Variants in ZNF217 observed in about 807,000 individuals in gnomAD.
ZNF217 encodes the protein zinc finger protein 217.
ZNF217 carries 12 observed loss-of-function variants against 73.3 expected under a neutral mutation model. The observed-to-expected ratio is 0.16, with a 90% CI of 0.10 to 0.27. The LOEUF (loss-of-function observed/expected upper bound fraction) is 0.27. ZNF217 is among the 10% of genes least tolerant of loss of function. The pLI is 1.00. For synonymous variants in ZNF217, 588 were observed against 516.4 expected, an observed-to-expected ratio of 1.14 and a Z score of -1.88; for missense variants, 1,195 against 1,327.8, an observed-to-expected ratio of 0.90 and a Z score of 1.55.
chr20:53,587,059 G>A (rs1988721875), intron 1 of ZNF217, among the ~76,000 whole-genome samples: 1 of 152,158 alleles, frequency 6.6e-6, no homozygotes, highest in South Asian at 2.1e-4. Flanking sequence ...TCAGGTAAAC[G>A]ACAGAACTTA....
chr20:53,591,860 A>G lies in ZNF217; in HGVS notation c.-343+1896T>C, dbSNP rs550426501. Among the ~76,000 whole-genome samples the G allele has an allele frequency of 7.2e-5, 11 of 152,344 alleles. No homozygotes were observed. The South Asian group carries it at 1.4e-3, about 20-fold the overall frequency. On this transcript the variant is annotated intron_variant, in intron 1 of 5. Coordinates refer to ENST00000371471, the MANE Select transcript of ZNF217 (RefSeq NM_006526.3). ...AACTTAGCATTTTAAGTCTTGTTTG[A>G]TATCAATCAAGAAAGAACATCCACT...
rs145428717 is a variant in ZNF217, at chr20:53,582,927, A to G, written c.-101T>C. 2.7e-3 allele frequency: 3,397 copies of G among 1,257,038 alleles called. 53 individuals carry two copies. In the African/African-American group the frequency reaches 0.039, roughly 14 times the overall value. 77.9% of individuals were successfully genotyped at this position (1,257,038 alleles called of 1,614,324 possible). ...AACAGCCCTGGGTTCCAAAAACCAG[A>G]GCAAATATTTATTATAAAAGTTCAA... On this transcript the variant is annotated 5_prime_UTR_variant, in exon 2 of 6. Coordinates refer to ENST00000371471, the MANE Select transcript of ZNF217 (RefSeq NM_006526.3). The surrounding 1 kb of genome is among the most constrained non-coding windows in gnomAD (Gnocchi z 4.8).
At chr20:53,595,950 C>G (rs1258537823), upstream of ZNF217, among the ~76,000 whole-genome samples, 1 of 152,114 alleles carries the variant, frequency 6.6e-6, no homozygotes, top group East Asian at 1.9e-4. Context: ...CTTTGAACTC[C>G]GAGACCTTGA....
intron 1 of ZNF217, among the ~76,000 whole-genome samples, chr20:53,589,907 C>A (rs6068591): frequency 1.5e-5 from 2 of 135,826 alleles, no homozygotes; most frequent in African/African-American, 5.4e-5. Context: ...CCCTCCCCCC[C>A]GCAGAATCTG....
upstream of ZNF217, among the ~76,000 whole-genome samples, chr20:53,595,911 T>C (rs1168034976): frequency 6.6e-6 from 1 of 152,212 alleles, no homozygotes; most frequent in Non-Finnish European, 1.5e-5. Context: ...GCCTGAAGTG[T>C]AACCTCATTC....
intron 1 of ZNF217, among the ~76,000 whole-genome samples, chr20:53,588,963 A>C (rs1406111997): frequency 2.0e-5 from 3 of 152,370 alleles, no homozygotes; most frequent in Admixed American, 1.3e-4. Flanking sequence ...AAAAGAAACA[A>C]AAACACTTCA....
At chr20:53,596,406 GAAATCGTTGCAA>G, upstream of ZNF217, among the ~76,000 whole-genome samples, 1 of 152,166 alleles carries the variant, frequency 6.6e-6, no homozygotes, top group Non-Finnish European at 1.5e-5. Flanking sequence ...ACGAAACTGG[GAAATCGTTGCAA>G]AATTCTGCCA....
intron 4 of ZNF217, among the ~76,000 whole-genome samples, chr20:53,573,312 G>A (rs771271828): frequency 1.3e-5 from 2 of 152,064 alleles, no homozygotes; most frequent in Non-Finnish European, 2.9e-5. Context: ...TAGCAGAGAC[G>A]AGGTTTCTCC....
At chr20:53,575,067 G>C (rs1160056867) in intron 4 of ZNF217, 3 of 152,254 alleles carry the variant, frequency 2.0e-5, no homozygotes, top group Non-Finnish European at 4.4e-5. Flanking sequence ...AATAAGGCTG[G>C]GTATGGTGGC....
At chr20:53,571,882 T>A in intron 4 of ZNF217, 29 bp from the exon 5 acceptor site, 1 of 1,580,228 alleles carries the variant, frequency 6.3e-7, no homozygotes, top group Non-Finnish European at 8.5e-7. Flanking sequence ...ATATTTAGAG[T>A]TAAGGTCAAA....
chr20:53,592,558 C>G (rs1376965967), intron 1 of ZNF217, among the ~76,000 whole-genome samples: 1 of 149,186 alleles, frequency 6.7e-6, no homozygotes, highest in Non-Finnish European at 1.5e-5. Flanking sequence ...TTCGGTGGCC[C>G]TACCCAGAAT....
At chr20:53,593,256 G>T (rs1306450933) in intron 1 of ZNF217, among the ~76,000 whole-genome samples, 1 of 152,088 alleles carries the variant, frequency 6.6e-6, no homozygotes, top group Non-Finnish European at 1.5e-5. Context: ...TGTTTACGGG[G>T]GGATGCCCGT....
intron 1 of ZNF217, among the ~76,000 whole-genome samples, chr20:53,589,133 G>A (rs911250599): frequency 6.6e-6 from 1 of 152,024 alleles, no homozygotes; most frequent in African/African-American, 2.4e-5. Context: ...GAAAATAATG[G>A]AACACCAATA....
chr20:53,582,572 T>G lies in ZNF217; in HGVS notation c.255A>C (p.Leu85Phe), dbSNP rs1283934305. ...THSEDLNKHV[L>F]MQHRPTLCEP... is the part of the protein sequence containing the mutation. ...CACAGAGGGTAGGCCGGTGTTGCAT[T>G]AAGACATGTTTATTAAGGTCTTCTG... Residue 85 changes from leucine to phenylalanine, a missense_variant, in exon 2 of 6, where the codon TTA becomes TTC. Leu to Phe is a conservative substitution (Grantham distance 22). Around this residue, in one of 9 missense-constraint regions of ZNF217, gnomAD observed 147 missense variants for 184.3 expected, o/e 0.80. Transcript: ENST00000371471. The surrounding 1 kb of genome is among the most constrained non-coding windows in gnomAD (Gnocchi z 4.8). The G allele has an allele frequency of 6.2e-7, 1 of 1,614,120 alleles. No individual in the cohort carries two copies. The highest frequency in any genetic ancestry group is 1.7e-5 in the Admixed American group (1 of 60,010).
intron 1 of ZNF217, among the ~76,000 whole-genome samples, chr20:53,592,918 C>A (rs2145986191): frequency 6.6e-6 from 1 of 151,794 alleles, no homozygotes; most frequent in Non-Finnish European, 1.5e-5. Flanking sequence ...CTTTAGAGTT[C>A]CCAGTTCTGC....
In ZNF217 at chr20:53,582,895, C is replaced by G. The variant is rs1350008142; in HGVS notation, c.-69G>C. On this transcript the variant is annotated 5_prime_UTR_variant, in exon 2 of 6. Coordinates refer to ENST00000371471, the MANE Select transcript of ZNF217 (RefSeq NM_006526.3). This position sits in a 1 kb window ranked among gnomAD's most constrained non-coding sequence, Gnocchi z 4.8. ...GGCCACTTGTAAGACTTGTCACTCACCCCTCTAACAGCCCTGGGTTCCAAA... is the reference window on the plus strand; with the variant it reads ...GGCCACTTGTAAGACTTGTCACTCAGCCCTCTAACAGCCCTGGGTTCCAAA... The G allele has an allele frequency of 5.4e-6, 8 of 1,491,738 alleles. No individual in the cohort carries two copies. The highest frequency in any genetic ancestry group is 2.2e-5 in the Admixed American group (1 of 45,744). 92.4% of individuals were successfully genotyped at this position (1,491,738 alleles called of 1,614,324 possible).
intron 1 of ZNF217, among the ~76,000 whole-genome samples, chr20:53,592,237 A>C (rs1043310504): frequency 1.1e-4 from 17 of 152,346 alleles, no homozygotes; most frequent in African/African-American, 2.4e-4. Context: ...GGACCACTGC[A>C]ACCGCCATTT....
rs755842838 is a variant in ZNF217, at chr20:53,576,988, G to A, written c.1776C>T (p.Leu592=). Residue 592 remains leucine, a synonymous_variant, in exon 4 of 6, where the codon CTC becomes CTT. Coordinates refer to ENST00000371471, the MANE Select transcript of ZNF217 (RefSeq NM_006526.3). ...CCTGAGTATCTTTGTGTGCTGGTGA[G>A]AGGACAGCGCTGCCCAGAACATTCT... ...VFQNVLGSAV[L]SPAHKDTQDF... 6.8e-6 allele frequency: 11 copies of A among 1,614,200 alleles called. No homozygotes were observed. The Admixed American group carries it at 1.0e-4, about 15-fold the overall frequency.
At position 53,568,569 on chromosome 20, in the gene ZNF217, C is replaced by T. The variant is rs1360845043; in HGVS notation, c.*719G>A. On this transcript the variant is annotated 3_prime_UTR_variant, in exon 6 of 6. Transcript: ENST00000371471. ...GAGGTTCCAGGACAATCTGGAGAGG[C>T]GAGGAAGAAGGTGCCTTCCCCATCT... is the stretch of plus-strand genomic sequence containing the variant. 1 of 152,040 alleles carries T rather than the reference C, an allele frequency of 6.6e-6. No individual in the cohort carries two copies. Among genetic ancestry groups the T allele is most frequent in the African/African-American group, 2.4e-5 (1 of 41,364 alleles). 9.4% of individuals were successfully genotyped at this position (152,040 alleles called of 1,614,324 possible).
Sources: gnomAD v4.1 joint callset for allele counts (sites outside exome capture counted in the v4.1 genomes callset) on GRCh38, gnomAD v4.1.1 for gene constraint, gnomAD v4.1.1 regional missense constraint, Gnocchi (gnomAD v3.1) non-coding constraint, MANE v1.5 for transcripts, NCBI Gene and HGNC (gene_info 2026-07-23, HGNC 2026-07-21) for gene names.